Variants in ACSS3 observed in about 807,000 individuals in gnomAD.
ACSS3 encodes acyl-CoA synthetase short chain family member 3.
A neutral mutation model predicts 84.2 loss-of-function variants in ACSS3; 64 were observed. The observed-to-expected ratio is 0.76, with a 90% CI of 0.62 to 0.94. The LOEUF (loss-of-function observed/expected upper bound fraction) is 0.94. Ranked by LOEUF, ACSS3 falls within the 40% of genes least tolerant of loss-of-function variation. The probability of loss-of-function intolerance (pLI) is 0.00; values close to 1 mark genes in which losing one functional copy is unlikely to be tolerated. For missense variants in ACSS3, 815 were observed against 867.6 expected (o/e 0.94, Z 0.76); for synonymous variants, 317 against 310.1 (o/e 1.02, Z -0.23).
At chr12:81,106,688 A>G (rs977710452) in intron 1 of ACSS3, among the ~76,000 whole-genome samples, 1 of 152,146 alleles carries the variant, frequency 6.6e-6, no homozygotes, top group African/African-American at 2.4e-5. Flanking sequence ...ATTTTTGTTG[A>G]CATATTTACA....
chr12:81,113,757 T>G (rs1464226069), intron 2 of ACSS3, among the ~76,000 whole-genome samples: 1 of 152,180 alleles, frequency 6.6e-6, no homozygotes, highest in African/African-American at 2.4e-5. Context: ...CATTTCTATC[T>G]GTGAAGGATT....
At chr12:81,239,116 G>A (rs778149488) in intron 13 of ACSS3, among the ~76,000 whole-genome samples, 2 of 151,754 alleles carry the variant, frequency 1.3e-5, no homozygotes, top group Admixed American at 6.6e-5. Context: ...TGACTCATGT[G>A]TTATTTAGAA....
chr12:81,185,352 T>A (rs1248484365), intron 8 of ACSS3, among the ~76,000 whole-genome samples: 1 of 151,524 alleles, frequency 6.6e-6, no homozygotes, highest in Non-Finnish European at 1.5e-5. Flanking sequence ...GCAAGAACAA[T>A]CAGACAAGAA....
In ACSS3 at chr12:81,233,353, A is replaced by G. The variant is rs2033526943; in HGVS notation, c.1601A>G (p.Tyr534Cys). The G allele has an allele frequency of 1.9e-6, 3 of 1,610,224 alleles. No individual in the cohort carries two copies. Among genetic ancestry groups the G allele is most frequent in the Non-Finnish European group, 2.5e-6 (3 of 1,177,348 alleles). Reference protein sequence around the residue: ...KHLYFEKFPGYYDTMDAGYMD... With the variant: ...KHLYFEKFPGCYDTMDAGYMD... ...GTTATTTTTTCTTGTTTTCAGGGAT[A>G]TTATGATACCATGGATGCTGGTTAC... The change falls in exon 13 of 16, where the codon TAT (tyrosine) becomes TGT (cysteine). Residue 534 changes from tyrosine (Y) to cysteine (C), a missense_variant. By Grantham distance (194) the Tyr-to-Cys change is radical (BLOSUM62 -2). Transcript: ENST00000548058.
chr12:81,231,851 C>T (rs914222492), intron 12 of ACSS3, among the ~76,000 whole-genome samples: 1 of 151,606 alleles, frequency 6.6e-6, no homozygotes, highest in African/African-American at 2.4e-5. Context: ...TTTCTGTTGT[C>T]CCTCTACTAC....
intron 1 of ACSS3, among the ~76,000 whole-genome samples, chr12:81,100,177 A>G (rs1004286576): frequency 6.6e-6 from 1 of 150,432 alleles, no homozygotes; most frequent in African/African-American, 2.4e-5. Flanking sequence ...GTTAGCAGGC[A>G]TTAATGAGCA....
intron 12 of ACSS3, among the ~76,000 whole-genome samples, chr12:81,232,939 C>T (rs1384729178): frequency 6.6e-6 from 1 of 151,552 alleles, no homozygotes; most frequent in East Asian, 1.9e-4. Context: ...TAAACTACTG[C>T]TGTATTGGGA....
At chr12:81,107,541 TATATATATATATATATATAA>T (rs1883159592) in intron 1 of ACSS3, among the ~76,000 whole-genome samples, 2 of 120,258 alleles carry the variant, frequency 1.7e-5, no homozygotes, top group South Asian at 2.7e-4. Context: ...TATATATATA[TATATATATATATATATATAA>T]ATGTTTTTGT....
intron 1 of ACSS3, among the ~76,000 whole-genome samples, chr12:81,085,931 A>G (rs996635493): frequency 2.6e-5 from 4 of 150,988 alleles, no homozygotes; most frequent in Admixed American, 6.6e-5. Flanking sequence ...TTTCAAAGGG[A>G]AAAAAAAAGT....
intron 4 of ACSS3, among the ~76,000 whole-genome samples, chr12:81,139,856 C>T (rs1473302038): frequency 3.3e-5 from 5 of 151,854 alleles, no homozygotes; most frequent in South Asian, 2.1e-4. Flanking sequence ...AGGATGGTCT[C>T]GATCTCCTGA....
intron 2 of ACSS3, chr12:81,118,016 C>T (rs941795143): frequency 1.3e-5 from 2 of 152,020 alleles, no homozygotes; most frequent in Non-Finnish European, 2.9e-5. Flanking sequence ...TGTGAGCATT[C>T]TAAGAAATTG....
chr12:81,103,185 C>T (rs979146175), intron 1 of ACSS3, among the ~76,000 whole-genome samples: 1 of 152,034 alleles, frequency 6.6e-6, no homozygotes, highest in Admixed American at 6.6e-5. Flanking sequence ...TTCCTCAGGC[C>T]CTTGGGAAAA....
At chr12:81,115,747 A>C (rs1030074726) in intron 2 of ACSS3, among the ~76,000 whole-genome samples, 2 of 152,202 alleles carry the variant, frequency 1.3e-5, no homozygotes, top group African/African-American at 4.8e-5. Flanking sequence ...TGAAAACCTT[A>C]ACAAAAATAA....
At chr12:81,192,898 T>C (rs1208141137) in intron 8 of ACSS3, among the ~76,000 whole-genome samples, 3 of 152,198 alleles carry the variant, frequency 2.0e-5, no homozygotes, top group Non-Finnish European at 1.5e-5. Context: ...TTGAGTTCTC[T>C]GATGTATTCA....
intron 2 of ACSS3, among the ~76,000 whole-genome samples, chr12:81,112,488 A>C (rs534325204): frequency 4.9e-4 from 75 of 152,252 alleles, no homozygotes; most frequent in African/African-American, 1.8e-3. Flanking sequence ...TCATCTTTCA[A>C]ACCCTTTCTG....
intron 13 of ACSS3, among the ~76,000 whole-genome samples, chr12:81,245,189 C>T (rs1454431731): frequency 6.6e-5 from 10 of 152,142 alleles, no homozygotes; most frequent in South Asian, 4.1e-4. Flanking sequence ...AGGGCTGGCG[C>T]GGTGGCTCAC....
At chr12:81,132,587 A>AT (rs1276569644) in intron 2 of ACSS3, among the ~76,000 whole-genome samples, 4 of 151,994 alleles carry the variant, frequency 2.6e-5, no homozygotes, top group Non-Finnish European at 4.4e-5. Flanking sequence ...CAGCTCCTAG[A>AT]TTCATTGATT....
chr12:81,111,046 A>G (rs1208537579), intron 2 of ACSS3, among the ~76,000 whole-genome samples: 3 of 152,168 alleles, frequency 2.0e-5, no homozygotes, highest in Non-Finnish European at 1.5e-5. Flanking sequence ...GTTGCAAATA[A>G]GAGAGAAGAG....
intron 2 of ACSS3, among the ~76,000 whole-genome samples, chr12:81,113,322 A>T (rs932285294): frequency 1.3e-5 from 2 of 152,064 alleles, no homozygotes; most frequent in South Asian, 2.1e-4. Context: ...GCTAGAAATA[A>T]TTTTTCCTCC....
Sources: allele counts gnomAD v4.1 joint callset (sites outside exome capture counted in the v4.1 genomes callset), GRCh38; gene constraint gnomAD v4.1.1; transcripts MANE v1.5; gene names NCBI Gene and HGNC (gene_info 2026-07-23, HGNC 2026-07-21).